The following VASN variants were observed in gnomAD, a reference collection of about 807,000 sequenced individuals.
VASN encodes vasorin.
In VASN, 5 loss-of-function variants were observed where a neutral mutation model predicts 4.8. That is an observed-to-expected ratio of 1.03 (90% CI 0.54 to 2.17). The LOEUF is 2.17. VASN is among the 30% of genes most tolerant of loss of function. The pLI is 0.01. For missense variants in VASN, 927 were observed against 948.8 expected (o/e 0.98, Z 0.30); for synonymous variants, 499 against 460.8 (o/e 1.08, Z -1.06).
chr16:4,380,915 T>C lies in VASN; in HGVS notation c.38T>C (p.Leu13Pro). The change falls in exon 2 of 2, where the codon CTG (leucine) becomes CCG (proline). Residue 13 changes from leucine (L) to proline (P), a missense_variant. Leu to Pro is a moderately conservative substitution (Grantham distance 98). Coordinates refer to ENST00000304735, the MANE Select transcript of VASN (RefSeq NM_138440.3). Reference protein sequence around the residue: ...SRVPLLLPLLLLLALGPGVQG... With the variant: ...SRVPLLLPLLPLLALGPGVQG... ...GTCCCTCTGCTGCTGCCGCTGCTCC[T>C]GCTACTGGCCCTGGGGCCTGGGGTG... 6.4e-7 allele frequency: 1 copy of C among 1,566,734 alleles called. No homozygotes were observed.
Position 4,381,272 on chromosome 16 carries a change from G to A in VASN, c.395G>A (p.Gly132Asp). 1 of 1,611,722 alleles carries A rather than the reference G, an allele frequency of 6.2e-7. No homozygotes were observed. Among genetic ancestry groups the A allele is most frequent in the Non-Finnish European group, 8.5e-7 (1 of 1,179,534 alleles). The change falls in exon 2 of 2, where the codon GGC becomes GAC. Residue 132 changes from glycine (G) to aspartate (D), a missense_variant. Gly to Asp is a moderately conservative substitution (Grantham distance 94). Transcript: ENST00000304735. The part of the protein sequence containing the change: ...GLRRLERLYL[G>D]KNRIRHIQPG... ...CGGCGCCTCGAGCGCCTCTACCTGG[G>A]CAAGAACCGCATCCGCCACATCCAG...
At chr16:4,373,991 G>A (rs941148610) in intron 1 of VASN, among the ~76,000 whole-genome samples, 2 of 152,200 alleles carry the variant, frequency 1.3e-5, no homozygotes, top group Non-Finnish European at 2.9e-5. Context: ...TCCCCTCCCT[G>A]GGCTGGGGAG....
At position 4,381,079 on chromosome 16, in the gene VASN, G is replaced by C; in HGVS notation, c.202G>C (p.Asp68His). Reference protein sequence around the residue: ...YVFENGITMLDAGSFAGLPGL... With the variant: ...YVFENGITMLHAGSFAGLPGL... ...CTTTGAGAACGGCATCACCATGCTC[G>C]ACGCAGGCAGCTTTGCCGGCCTGCC... Residue 68 changes from aspartate to histidine, a missense_variant, in exon 2 of 2, where the codon GAC (aspartate) becomes CAC (histidine). By Grantham distance (81) the Asp-to-His change is moderately conservative. Transcript: ENST00000304735. 1 of 1,609,246 alleles carries C rather than the reference G, an allele frequency of 6.2e-7. No individual in the cohort carries two copies. The highest frequency in any genetic ancestry group is 8.5e-7 in the Non-Finnish European group (1 of 1,178,566).
chr16:4,382,091 A>T lies in VASN; in HGVS notation c.1214A>T (p.Gln405Leu). The stretch of plus-strand genomic sequence containing the variant: ...CCACCGACTGTAGGGCCTGTCCCCC[A>T]GCCCCAGGACTGCCCACCGTCCACC... ...TAPPTVGPVP[Q>L]PQDCPPSTCL... Residue 405 changes from glutamine to leucine, a missense_variant, in exon 2 of 2, where the codon CAG (glutamine) becomes CTG (leucine). Coordinates refer to ENST00000304735, the MANE Select transcript of VASN (RefSeq NM_138440.3). 1 of 1,584,564 alleles carries T rather than the reference A, an allele frequency of 6.3e-7. No homozygotes were observed. Among genetic ancestry groups the T allele is most frequent in the Non-Finnish European group, 8.6e-7 (1 of 1,167,162 alleles).
At chr16:4,380,270 G>T (rs893808983) in intron 1 of VASN, among the ~76,000 whole-genome samples, 16 of 152,096 alleles carry the variant, frequency 1.1e-4, no homozygotes, top group Non-Finnish European at 2.1e-4. Context: ...GAACCTTCCC[G>T]CCGGCCACTT....
rs769303055 is a variant in VASN at position 4,381,424 on chromosome 16, G to A, written c.547G>A (p.Ala183Thr). Reference protein sequence around the residue: ...LLDLSHNSLLALEPGILDTAN... With the variant: ...LLDLSHNSLLTLEPGILDTAN... ...GGACCTCAGCCACAACAGCCTCCTG[G>A]CCCTGGAGCCCGGCATCCTGGACAC... Residue 183 changes from alanine (A) to threonine (T), a missense_variant, in exon 2 of 2, where the codon GCC becomes ACC. By Grantham distance (58) the Ala-to-Thr change is moderately conservative. Transcript: ENST00000304735. 2 of 1,581,014 alleles carry A rather than the reference G, an allele frequency of 1.3e-6. No homozygotes were observed. Among genetic ancestry groups the A allele is most frequent in the East Asian group, 4.7e-5 (2 of 42,834 alleles).
In VASN at chr16:4,382,248, G is replaced by A. The variant is rs752294543; in HGVS notation, c.1371G>A (p.Thr457=). ...QGTRPSPTPV[T]PRPPRSLTLG... ...CACGGCCCAGCCCTACACCAGTCAC[G>A]CCGAGGCCACCACGGTCCCTGACCC... Residue 457 remains threonine (T), a synonymous_variant, in exon 2 of 2, where the codon ACG becomes ACA. Coordinates refer to ENST00000304735, the MANE Select transcript of VASN (RefSeq NM_138440.3). 2.3e-5 allele frequency: 37 copies of A among 1,607,310 alleles called. No homozygotes were observed. Among genetic ancestry groups the A allele is most frequent in the Admixed American group, 2.0e-4 (12 of 59,526 alleles).
chr16:4,378,820 C>T (rs928226316), intron 1 of VASN, among the ~76,000 whole-genome samples: 44 of 151,936 alleles, frequency 2.9e-4, no homozygotes, highest in African/African-American at 8.5e-4. Flanking sequence ...AGGGGGACAC[C>T]GCTAGGTTGG....
rs2055006185 is a variant in VASN at position 4,382,211 on chromosome 16, T to C, written c.1334T>C (p.Met445Thr). 1 of 1,604,208 alleles carries C rather than the reference T, an allele frequency of 6.2e-7. No individual in the cohort carries two copies. Among genetic ancestry groups the C allele is most frequent in the Admixed American group, 1.7e-5 (1 of 59,152 alleles). ...ACGGGCCTGTACTGTGAGAGCCAGA[T>C]GGGGCAGGGGACACGGCCCAGCCCT... ...GFTGLYCESQ[M>T]GQGTRPSPTP... is the part of the protein sequence containing the mutation. The change falls in exon 2 of 2, where the codon ATG (methionine) becomes ACG (threonine). Residue 445 changes from methionine (M) to threonine (T), a missense_variant. Physicochemically the swap from Met to Thr is moderately conservative, Grantham distance 81 (BLOSUM62 -1). Transcript: ENST00000304735.
chr16:4,380,191 C>T (rs2141241711), intron 1 of VASN, among the ~76,000 whole-genome samples: 1 of 152,316 alleles, frequency 6.6e-6, no homozygotes, highest in East Asian at 1.9e-4. Context: ...TGTCACCAGC[C>T]TCAGCTCCCC....
intron 1 of VASN, among the ~76,000 whole-genome samples, chr16:4,378,795 G>A (rs553086309): frequency 1.7e-4 from 26 of 151,978 alleles, no homozygotes; most frequent in African/African-American, 5.8e-4. Flanking sequence ...GGAGGTGAGG[G>A]GGCACACGAC....
At chr16:4,374,086 CGTGT>C (rs112578905) in intron 1 of VASN, among the ~76,000 whole-genome samples, 7 of 148,766 alleles carry the variant, frequency 4.7e-5, no homozygotes, top group Admixed American at 2.0e-4. Context: ...GGAGGGTGCA[CGTGT>C]GTGTGTGTGT....
rs755891760 is a variant in VASN at position 4,381,569 on chromosome 16, T to C, written c.692T>C (p.Val231Ala). 1 of 1,605,316 alleles carries C rather than the reference T, an allele frequency of 6.2e-7. No homozygotes were observed. The highest frequency in any genetic ancestry group is 1.3e-5 in the African/African-American group (1 of 74,886). The change falls in exon 2 of 2, where the codon GTG (valine) becomes GCG (alanine). Residue 231 changes from valine (V) to alanine (A), a missense_variant. Coordinates refer to ENST00000304735, the MANE Select transcript of VASN (RefSeq NM_138440.3). Reference sequence around the variant, plus strand: ...GTGTCCGACAACCAGCTGGAGCGAGTGCCACCTGTGATCCGAGGCCTCCGG... The same window carrying C: ...GTGTCCGACAACCAGCTGGAGCGAGCGCCACCTGTGATCCGAGGCCTCCGG... The part of the protein sequence containing the change: ...LDVSDNQLER[V>A]PPVIRGLRGL...
rs1322117270 is a variant in VASN at position 4,376,312 on chromosome 16, C to T, written c.-10+4319C>T. Among the ~76,000 whole-genome samples the T allele has an allele frequency of 2.6e-5, 4 of 152,334 alleles. No homozygotes were observed. In the East Asian group the frequency reaches 5.8e-4, roughly 22 times the overall value. ...GTCCTGGCCGCCGGCACAGTCCCGC[C>T]TGCCTGGAGGGGTTGGCAGACTCCC... On this transcript the variant is annotated intron_variant, in intron 1 of 1. Transcript: ENST00000304735.
Position 4,380,950 on chromosome 16 carries a change from C to T in VASN, c.73C>T (p.Pro25Ser), listed in dbSNP as rs1439263662. The T allele has an allele frequency of 1.3e-6, 2 of 1,599,712 alleles. No homozygotes were observed. The highest frequency in any genetic ancestry group is 1.7e-6 in the Non-Finnish European group (2 of 1,176,206). The change falls in exon 2 of 2, where the codon CCA becomes TCA. Residue 25 changes from proline to serine, a missense_variant. Physicochemically the swap from Pro to Ser is moderately conservative, Grantham distance 74. Coordinates refer to ENST00000304735, the MANE Select transcript of VASN (RefSeq NM_138440.3). ...CCTGGGGCCTGGGGTGCAGGGCTGC[C>T]CATCCGGCTGCCAGTGCAGCCAGCC... ...LALGPGVQGC[P>S]SGCQCSQPQT...
At position 4,382,832 on chromosome 16, in the gene VASN, A is replaced by G. The variant is rs1271769776; in HGVS notation, c.1955A>G (p.Glu652Gly). The change falls in exon 2 of 2, where the codon GAG (glutamate) becomes GGG (glycine). Residue 652 changes from glutamate (E) to glycine (G), a missense_variant. Transcript: ENST00000304735. Reference protein sequence around the residue: ...GEALPSGSECEVPLMGFPGPG... With the variant: ...GEALPSGSECGVPLMGFPGPG... Reference sequence around the variant, plus strand: ...GCCCTGCCCAGCGGGTCTGAGTGTGAGGTGCCACTCATGGGCTTCCCAGGG... The same window carrying G: ...GCCCTGCCCAGCGGGTCTGAGTGTGGGGTGCCACTCATGGGCTTCCCAGGG... 1.3e-6 allele frequency: 2 copies of G among 1,598,928 alleles called. No homozygotes were observed. The highest frequency in any genetic ancestry group is 1.7e-6 in the Non-Finnish European group (2 of 1,173,988).
intron 1 of VASN, among the ~76,000 whole-genome samples, chr16:4,373,125 C>A (rs763205595): frequency 6.6e-6 from 1 of 152,170 alleles, no homozygotes; most frequent in Non-Finnish European, 1.5e-5. Flanking sequence ...AAAAACCCAA[C>A]AGAGCTGGGG....
At chr16:4,377,959 G>A (rs905019133) in intron 1 of VASN, among the ~76,000 whole-genome samples, 14 of 152,122 alleles carry the variant, frequency 9.2e-5, no homozygotes, top group African/African-American at 3.4e-4. Context: ...CCTGTCAGCC[G>A]GAAAGCCACC....
intron 1 of VASN, among the ~76,000 whole-genome samples, chr16:4,376,684 C>A (rs1370497387): frequency 6.6e-6 from 1 of 152,100 alleles, no homozygotes; most frequent in African/African-American, 2.4e-5. Context: ...GTGGGCGTCC[C>A]CCTGGGAGTT....
Sources: gnomAD v4.1 joint callset for allele counts (sites outside exome capture counted in the v4.1 genomes callset) on GRCh38, gnomAD v4.1.1 for gene constraint, MANE v1.5 for transcripts, NCBI Gene and HGNC (gene_info 2026-07-23, HGNC 2026-07-21) for gene names.